Variants in LRRC38 observed in about 807,000 individuals in gnomAD.
LRRC38 encodes leucine rich repeat containing 38.
A neutral mutation model predicts 16.4 loss-of-function variants in LRRC38; 5 were observed. That is an observed-to-expected ratio of 0.31 (90% CI 0.16 to 0.64). LRRC38 has a LOEUF of 0.64. Among genes scored for constraint, LRRC38 ranks in the 30% least tolerant of loss-of-function variants. The pLI, the probability that LRRC38 is intolerant of heterozygous loss-of-function variation, is 0.80. For missense variants in LRRC38, 341 were observed against 401.8 expected, an observed-to-expected ratio of 0.85 and a Z score of 1.29; for synonymous variants, 191 against 190.2, an observed-to-expected ratio of 1.00 and a Z score of -0.04.
chr1:13,489,236 C>T (rs1039066690), intron 1 of LRRC38, among the ~76,000 whole-genome samples: 1 of 152,170 alleles, frequency 6.6e-6, no homozygotes, highest in African/African-American at 2.4e-5. Flanking sequence ...TCTGCCTTCC[C>T]CTCCCTGGCT....
At chr1:13,491,679 CTTTT>C (rs368209306) in intron 1 of LRRC38, among the ~76,000 whole-genome samples, 1 of 148,084 alleles carries the variant, frequency 6.8e-6, no homozygotes, top group African/African-American at 2.5e-5. Context: ...TCTTTTCTCT[CTTTT>C]TTTTTTGTTT....
In LRRC38 at chr1:13,494,046, G is replaced by A. The variant is rs560111923; in HGVS notation, c.632-17947C>T. Among the ~76,000 whole-genome samples, 26 of 152,374 alleles carry A rather than the reference G, an allele frequency of 1.7e-4. No individual in the cohort carries two copies. The East Asian group carries it at 3.7e-3, about 21-fold the overall frequency. The stretch of plus-strand genomic sequence containing the variant: ...CCACTGCACTCCAGCCTGGGCAAGA[G>A]AGGGAGACTCTGTCTCAAAAACAAA... On this transcript the variant is annotated intron_variant, in intron 1 of 1. Transcript: ENST00000376085.
At chr1:13,511,852 C>A in intron 1 of LRRC38, among the ~76,000 whole-genome samples, 1 of 152,044 alleles carries the variant, frequency 6.6e-6, no homozygotes, top group African/African-American at 2.4e-5. Context: ...GAGTGAGCAC[C>A]CCGAAGCATG....
At position 13,513,604 on chromosome 1, in the gene LRRC38, CCCGCGCCGG is replaced by C. The variant is rs1324081500; in HGVS notation, c.-20_-12del. 3 of 1,084,118 alleles carry C rather than the reference CCCGCGCCGG, an allele frequency of 2.8e-6. No individual in the cohort carries two copies. The highest frequency in any genetic ancestry group is 1.7e-5 in the African/African-American group (1 of 59,292). 67.2% of individuals were successfully genotyped at this position (1,084,118 alleles called of 1,614,324 possible). A position where few individuals can be genotyped will look rare whatever the true frequency, so the allele number is the denominator to read the frequency against. On this transcript the variant is annotated 5_prime_UTR_variant, in exon 1 of 2. Transcript: ENST00000376085. ...GGCTCGGGGGCGCATGGCCGGGGGG[CCCGCGCCGG>C]CCGCGGCGAGAAGGAAGCGGCTCTC... is the stretch of plus-strand genomic sequence containing the variant.
chr1:13,491,328 T>G (rs1316910485), intron 1 of LRRC38, among the ~76,000 whole-genome samples: 2 of 152,054 alleles, frequency 1.3e-5, no homozygotes, highest in Non-Finnish European at 2.9e-5. Context: ...AGTTCAAAAT[T>G]TTTTATTTTT....
At chr1:13,504,472 G>A (rs1639186792) in intron 1 of LRRC38, among the ~76,000 whole-genome samples, 1 of 152,022 alleles carries the variant, frequency 6.6e-6, no homozygotes, top group South Asian at 2.1e-4. Context: ...TGTAATCCCG[G>A]CACTTTGGGA....
intron 1 of LRRC38, among the ~76,000 whole-genome samples, chr1:13,507,056 C>T (rs548349410): frequency 3.9e-5 from 6 of 152,366 alleles, no homozygotes; most frequent in African/African-American, 9.6e-5. Flanking sequence ...GGTAGAGTAA[C>T]TGGATGAGTT....
chr1:13,513,364 A>T lies in LRRC38; in HGVS notation c.230T>A (p.Ile77Asn). Reference sequence around the variant, plus strand: ...CAGGTAGACCAGGTCGCCGTAGAAGATGAAGAAGTCCTCGGGGATCCGCTG... The same window carrying T: ...CAGGTAGACCAGGTCGCCGTAGAAGTTGAAGAAGTCCTCGGGGATCCGCTG... ...RIQRIPEDFF[I>N]FYGDLVYLDF... Residue 77 changes from isoleucine (I) to asparagine (N), a missense_variant, in exon 1 of 2, where the codon ATC becomes AAC. By Grantham distance (149) the Ile-to-Asn change is moderately radical. Transcript: ENST00000376085. 1 of 1,550,796 alleles carries T rather than the reference A, an allele frequency of 6.4e-7. No individual in the cohort carries two copies. The highest frequency in any genetic ancestry group is 1.4e-5 in the African/African-American group (1 of 73,152).
intron 1 of LRRC38, among the ~76,000 whole-genome samples, chr1:13,502,991 G>A (rs963884800): frequency 5.9e-5 from 9 of 152,202 alleles, no homozygotes; most frequent in African/African-American, 1.9e-4. Flanking sequence ...AATGAAGACA[G>A]GAACATACTC....
chr1:13,477,616 T>C (rs1638803944), intron 1 of LRRC38, among the ~76,000 whole-genome samples: 1 of 152,010 alleles, frequency 6.6e-6, no homozygotes, highest in Non-Finnish European at 1.5e-5. Context: ...GATGAGAGAC[T>C]TACTTGAGCT....
chr1:13,489,282 C>T (rs2100500792), intron 1 of LRRC38, among the ~76,000 whole-genome samples: 1 of 152,316 alleles, frequency 6.6e-6, no homozygotes, highest in East Asian at 1.9e-4. Context: ...AACAGCTTCC[C>T]CTGCCCTCCT....
chr1:13,501,337 A>T (rs1639146729), intron 1 of LRRC38, among the ~76,000 whole-genome samples: 1 of 152,140 alleles, frequency 6.6e-6, no homozygotes, highest in African/African-American at 2.4e-5. Context: ...TAAGGGGTAA[A>T]GGGAAATCTT....
intron 1 of LRRC38, among the ~76,000 whole-genome samples, chr1:13,482,413 C>G (rs1180607715): frequency 2.6e-5 from 4 of 151,936 alleles, no homozygotes; most frequent in African/African-American, 7.3e-5. Context: ...CCTGTCTCTA[C>G]TAAAAATAAC....
intron 1 of LRRC38, among the ~76,000 whole-genome samples, chr1:13,511,546 A>G (rs1639274064): frequency 6.6e-6 from 1 of 152,102 alleles, no homozygotes; most frequent in Admixed American, 6.6e-5. Context: ...CCTGGAAGAC[A>G]ACTGGAGCCA....
chr1:13,506,438 G>A (rs1639214362), intron 1 of LRRC38, among the ~76,000 whole-genome samples: 1 of 152,074 alleles, frequency 6.6e-6, no homozygotes, highest in African/African-American at 2.4e-5. Flanking sequence ...TGGAGGTCCT[G>A]ATGCATTTCT....
At chr1:13,493,576 G>A (rs1334250509) in intron 1 of LRRC38, among the ~76,000 whole-genome samples, 2 of 152,138 alleles carry the variant, frequency 1.3e-5, no homozygotes, top group African/African-American at 2.4e-5. Context: ...TGGGATGGGG[G>A]GATTATCCTG....
intron 1 of LRRC38, among the ~76,000 whole-genome samples, chr1:13,485,277 T>TAAAAAAAAAAAAAAAAAAA (rs3060199): frequency 8.2e-5 from 8 of 97,820 alleles, no homozygotes; most frequent in African/African-American, 3.1e-4. Context: ...AACCCCACCT[T>TAAAAAAAAAAAAAAAAAAA]AAAAAAAAAA....
At chr1:13,501,418 ATTTAT>A (rs1162917098) in intron 1 of LRRC38, among the ~76,000 whole-genome samples, 1 of 151,922 alleles carries the variant, frequency 6.6e-6, no homozygotes, top group Non-Finnish European at 1.5e-5. Flanking sequence ...TTATTTATTT[ATTTAT>A]TTTGAGACGG....
chr1:13,495,366 G>A (rs1019857134), intron 1 of LRRC38, among the ~76,000 whole-genome samples: 5 of 152,076 alleles, frequency 3.3e-5, no homozygotes, highest in Non-Finnish European at 7.3e-5. Context: ...TTTCTGACAA[G>A]GATCCGTTGT....
Sources: allele counts gnomAD v4.1 joint callset (sites outside exome capture counted in the v4.1 genomes callset), GRCh38; gene constraint gnomAD v4.1.1; transcripts MANE v1.5; gene names NCBI Gene and HGNC (gene_info 2026-07-23, HGNC 2026-07-21).